Variants in SCN8A observed in about 807,000 individuals in gnomAD.
SCN8A encodes sodium voltage-gated channel alpha subunit 8.
SCN8A carries 30 observed loss-of-function variants against 184.1 expected under a neutral mutation model. The observed-to-expected ratio is 0.16, with a 90% CI of 0.12 to 0.22. The LOEUF (loss-of-function observed/expected upper bound fraction) is 0.22, where lower values mean the gene tolerates loss of function less well. Ranked by LOEUF, SCN8A falls within the 10% of genes least tolerant of loss-of-function variation. The probability of loss-of-function intolerance (pLI) is 1.00; values close to 1 mark genes in which losing one functional copy is unlikely to be tolerated. For synonymous variants in SCN8A, 852 were observed against 907.0 expected (o/e 0.94, Z 1.09); for missense variants, 1,057 against 2,498.9 (o/e 0.42, Z 12.30).
At chr12:51,694,210 A>C (rs1592384321) in intron 6 of SCN8A, among the ~76,000 whole-genome samples, 2 of 152,168 alleles carry the variant, frequency 1.3e-5, no homozygotes, top group Admixed American at 1.3e-4. Context: ...TGAGATTACA[A>C]GTGTGAGCCA....
intron 7 of SCN8A, among the ~76,000 whole-genome samples, chr12:51,700,179 A>AG (rs1941662016): frequency 6.8e-6 from 1 of 146,982 alleles, no homozygotes; most frequent in Non-Finnish European, 1.5e-5. Context: ...TCAAAAAAAA[A>AG]AACAAAAAAA....
chr12:51,775,752 A>G (rs1937673165), intron 20 of SCN8A, among the ~76,000 whole-genome samples: 1 of 152,142 alleles, frequency 6.6e-6, no homozygotes, highest in African/African-American at 2.4e-5. Flanking sequence ...TCATTTCACA[A>G]TAGCTCCTCA....
At position 51,745,916 on chromosome 12, in the gene SCN8A, T is replaced by A; in HGVS notation, c.2012T>A (p.Val671Glu). 1 of 1,575,890 alleles carries A rather than the reference T, an allele frequency of 6.3e-7. No homozygotes were observed. Among genetic ancestry groups the A allele is most frequent in the Non-Finnish European group, 8.6e-7 (1 of 1,166,150 alleles). The stretch of plus-strand genomic sequence containing the variant: ...TTTTTTTTAAAGGCTACAACTGAGG[T>A]GGAAATTAAGAAGAAAGGCCCTGGA... Reference protein sequence around the residue: ...GRLLPEATTEVEIKKKGPGSL... With the variant: ...GRLLPEATTEEEIKKKGPGSL... The change falls in exon 13 of 27, where the codon GTG (valine) becomes GAG (glutamate). Residue 671 changes from valine to glutamate, a missense_variant. This residue lies in a region of SCN8A where 322 missense variants were observed against 390.1 expected (regional missense o/e 0.83). Transcript: ENST00000627620.
rs57350944 is a variant in SCN8A at position 51,677,030 on chromosome 12, C to CAT, written c.277-7137_277-7136dup. Among the ~76,000 whole-genome samples the CAT allele has an allele frequency of 4.0e-3, 603 of 151,322 alleles. 3 individuals are homozygous for CAT. The highest frequency in any genetic ancestry group is 0.014 in the African/African-American group (557 of 41,170). ...AGTACTCTTCTATATAAAGTCTTTTCATATATATGCATCCTTTATTGTTTT... is the reference window on the plus strand; with the variant it reads ...AGTACTCTTCTATATAAAGTCTTTTCATATATATATGCATCCTTTATTGTTTT... On this transcript the variant is annotated intron_variant, in intron 2 of 26. Coordinates refer to ENST00000627620, the MANE Select transcript of SCN8A (RefSeq NM_001330260.2).
At chr12:51,746,067 G>A in intron 13 of SCN8A, 32 bp downstream of exon 13, 1 of 1,558,578 alleles carries the variant, frequency 6.4e-7, no homozygotes, top group East Asian at 2.3e-5. Context: ...TCCAACCGCT[G>A]AGATATAAAT....
chr12:51,642,486 C>T (rs1277243979), intron 1 of SCN8A, among the ~76,000 whole-genome samples: 1 of 152,190 alleles, frequency 6.6e-6, no homozygotes, highest in Admixed American at 6.5e-5. Flanking sequence ...ACTCTGTCAG[C>T]TCAATCTCCT....
chr12:51,721,875 C>G lies in SCN8A; in HGVS notation c.1965C>G (p.Pro655=). 1 of 1,601,824 alleles carries G rather than the reference C, an allele frequency of 6.2e-7. No individual in the cohort carries two copies. The highest frequency in any genetic ancestry group is 8.5e-7 in the Non-Finnish European group (1 of 1,179,792). ...CNGVVSLIGG[P]GSHIGGRLLP... is the part of the protein sequence containing the mutation. Reference sequence around the variant, plus strand: ...GCGTGGTGTCCCTCATCGGCGGCCCCGGCTCCCACATCGGCGGGCGTCTCC... The same window carrying G: ...GCGTGGTGTCCCTCATCGGCGGCCCGGGCTCCCACATCGGCGGGCGTCTCC... The change falls in exon 12 of 27, where the codon CCC becomes CCG. Residue 655 remains proline (P), a synonymous_variant. Coordinates refer to ENST00000627620, the MANE Select transcript of SCN8A (RefSeq NM_001330260.2).
intron 6 of SCN8A, among the ~76,000 whole-genome samples, chr12:51,698,391 T>G (rs780280001): frequency 6.2e-4 from 95 of 152,212 alleles, no homozygotes; most frequent in Non-Finnish European, 7.5e-4. Flanking sequence ...TGGTCTTGCC[T>G]TCAGAAGTGA....
At chr12:51,749,772 G>A (rs775261122) in intron 13 of SCN8A, among the ~76,000 whole-genome samples, 3 of 152,122 alleles carry the variant, frequency 2.0e-5, no homozygotes, top group South Asian at 4.1e-4. Context: ...AAAAGGGAAC[G>A]TAGGCTAATT....
intron 1 of SCN8A, among the ~76,000 whole-genome samples, chr12:51,658,618 C>T (rs1208666617): frequency 3.3e-5 from 5 of 151,976 alleles, no homozygotes; most frequent in African/African-American, 7.3e-5. Flanking sequence ...ATAGATAAAT[C>T]AGTAGAGAGA....
chr12:51,720,757 C>G (rs925207038), intron 11 of SCN8A, among the ~76,000 whole-genome samples: 1 of 152,068 alleles, frequency 6.6e-6, no homozygotes, highest in Non-Finnish European at 1.5e-5. Context: ...GCAAATGATA[C>G]AGGCACGTTT....
chr12:51,760,850 A>G (rs1481843158), intron 14 of SCN8A, among the ~76,000 whole-genome samples: 2 of 152,212 alleles, frequency 1.3e-5, no homozygotes, highest in African/African-American at 4.8e-5. Context: ...CCGAAAACCT[A>G]TAGGCCACTT....
chr12:51,707,839 G>A (rs961524341), intron 11 of SCN8A, among the ~76,000 whole-genome samples: 2 of 152,112 alleles, frequency 1.3e-5, no homozygotes, highest in Non-Finnish European at 1.5e-5. Flanking sequence ...AAAAACATCT[G>A]GTTTTTCTAA....
chr12:51,739,582 C>T lies in SCN8A; in HGVS notation c.1999-6321C>T, dbSNP rs142133820. 3.4e-3 allele frequency among the ~76,000 whole-genome samples: 512 copies of T among 152,182 alleles called. 10 individuals are homozygous for T. The highest frequency in any genetic ancestry group is 9.5e-3 in the African/African-American group (393 of 41,508). On this transcript the variant is annotated intron_variant, in intron 12 of 26. Transcript: ENST00000627620. ...AGTGTGAAAAAGTTCTAAGGTGAAA[C>T]GAACCAGACCCCATCCCTGTCCCAT...
chr12:51,766,156 G>T, intron 16 of SCN8A, 129 bp downstream of exon 16: 1 of 805,332 alleles, frequency 1.2e-6, no homozygotes, highest in Non-Finnish European at 2.1e-6. Context: ...ATTCTTTCTT[G>T]GCCCAGAAAC....
At chr12:51,766,766 G>A (rs1174084247) in intron 16 of SCN8A, among the ~76,000 whole-genome samples, 1 of 152,178 alleles carries the variant, frequency 6.6e-6, no homozygotes, top group Non-Finnish European at 1.5e-5. Context: ...TCACTGGAGA[G>A]TGTGTTAGAA....
intron 13 of SCN8A, among the ~76,000 whole-genome samples, chr12:51,749,171 A>G (rs1208416854): frequency 2.6e-5 from 4 of 152,196 alleles, no homozygotes; most frequent in African/African-American, 9.6e-5. Context: ...GATCTTTTCT[A>G]GCTCCTGAAG....
intron 1 of SCN8A, among the ~76,000 whole-genome samples, chr12:51,617,534 T>C (rs1939867171): frequency 6.6e-6 from 1 of 152,248 alleles, no homozygotes. Flanking sequence ...TTTCCTTCTT[T>C]GAGCATACTT....
intron 1 of SCN8A, among the ~76,000 whole-genome samples, chr12:51,612,248 A>G (rs1342694924): frequency 2.6e-5 from 4 of 151,996 alleles, no homozygotes; most frequent in Non-Finnish European, 1.5e-5. Context: ...TGCAACCTCT[A>G]CCTCCCAGGC....
Sources: allele counts gnomAD v4.1 joint callset (sites outside exome capture counted in the v4.1 genomes callset), GRCh38; gene constraint gnomAD v4.1.1; regional missense constraint gnomAD v4.1.1; transcripts MANE v1.5; gene names NCBI Gene and HGNC (gene_info 2026-07-23, HGNC 2026-07-21).